The following AFF2 variants were observed in gnomAD, a reference collection of about 807,000 sequenced individuals.
The protein encoded by AFF2 is AF4/FMR2 family member 2.
A neutral mutation model predicts 76.9 loss-of-function variants in AFF2; 14 were observed. The ratio of observed to expected loss-of-function variants is 0.18; its 90% CI spans 0.12 to 0.28. The LOEUF (loss-of-function observed/expected upper bound fraction) is 0.28. AFF2 is among the 10% of genes least tolerant of loss of function. The probability of loss-of-function intolerance (pLI) is 1.00; values close to 1 mark genes in which losing one functional copy is unlikely to be tolerated. For synonymous variants in AFF2, 398 were observed against 366.7 expected, an observed-to-expected ratio of 1.09 and a Z score of -0.98; for missense variants, 868 against 1,001.1, an observed-to-expected ratio of 0.87 and a Z score of 1.79.
At chrX:148,514,980 A>G (rs1463410563) in intron 1 of AFF2, among the ~76,000 whole-genome samples, 1 of 111,911 alleles carries the variant, frequency 8.9e-6, no homozygotes, top group African/African-American at 3.3e-5. Flanking sequence ...TGCTTTCTGA[A>G]TTTTTTCTAA....
At chrX:148,627,308 T>A (rs1477836539) in intron 1 of AFF2, among the ~76,000 whole-genome samples, 2 of 112,062 alleles carry the variant, frequency 1.8e-5, no homozygotes, top group African/African-American at 6.5e-5. Context: ...CCTTTACATG[T>A]AGACATGTAG....
At chrX:148,897,761 A>G (rs1156302742) in intron 8 of AFF2, among the ~76,000 whole-genome samples, 1 of 110,517 alleles carries the variant, frequency 9.0e-6, no homozygotes, top group Non-Finnish European at 1.9e-5. Flanking sequence ...CCCCCTTAGC[A>G]TCAGGGGCAA....
chrX:148,597,771 C>T (rs954748688), intron 1 of AFF2, among the ~76,000 whole-genome samples: 10 of 112,096 alleles, frequency 8.9e-5, no homozygotes, highest in Non-Finnish European at 1.3e-4. Flanking sequence ...CAGTTGAGTA[C>T]CTCTGCTCCC....
chrX:148,870,816 A>G (rs1569556416), intron 7 of AFF2, among the ~76,000 whole-genome samples: 1 of 111,924 alleles, frequency 8.9e-6, no homozygotes, highest in South Asian at 3.8e-4. Flanking sequence ...TTTCAAAACT[A>G]AGGGGGCAAC....
At chrX:148,779,681 G>A (rs1056894564) in intron 3 of AFF2, among the ~76,000 whole-genome samples, 15 of 111,708 alleles carry the variant, frequency 1.3e-4, no homozygotes, top group African/African-American at 4.9e-4. Context: ...GCACACCAAT[G>A]CGTCTTGGCT....
intron 3 of AFF2, among the ~76,000 whole-genome samples, chrX:148,767,620 C>T (rs901022312): frequency 1.3e-4 from 15 of 111,659 alleles, no homozygotes; most frequent in Middle Eastern, 4.6e-3. Context: ...TCCTTGTAAC[C>T]ACATGCTGAA....
chrX:148,737,422 C>T (rs781957818), intron 3 of AFF2, among the ~76,000 whole-genome samples: 4 of 111,342 alleles, frequency 3.6e-5, no homozygotes, highest in African/African-American at 6.5e-5. Flanking sequence ...TTTGCTTGGT[C>T]GCTGTGGTGT....
intron 1 of AFF2, among the ~76,000 whole-genome samples, chrX:148,588,436 G>A (rs1603251631): frequency 8.9e-6 from 1 of 112,520 alleles, no homozygotes; most frequent in Non-Finnish European, 1.9e-5. Context: ...AACTGTTTAT[G>A]GAGGGCAGAG....
At chrX:148,941,855 A>G (rs868975095) in intron 9 of AFF2, among the ~76,000 whole-genome samples, 1 of 32,323 alleles carries the variant, frequency 3.1e-5, no homozygotes. Context: ...CTGTTGATAC[A>G]CATTTCACAG....
At chrX:148,767,979 C>G (rs782015783) in intron 3 of AFF2, among the ~76,000 whole-genome samples, 10 of 109,170 alleles carry the variant, frequency 9.2e-5, no homozygotes, top group Non-Finnish European at 1.9e-4. Flanking sequence ...AATCTGAACT[C>G]TTACATACTA....
At chrX:148,949,732 A>C (rs1465245171) in intron 9 of AFF2, among the ~76,000 whole-genome samples, 1 of 112,552 alleles carries the variant, frequency 8.9e-6, no homozygotes, top group African/African-American at 3.2e-5. Context: ...CAGACTATAG[A>C]GTGGATGGCT....
Position 148,968,788 on chromosome X carries a change from G to C in AFF2, c.3267+1096G>C, listed in dbSNP as rs184907210. On this transcript the variant is annotated intron_variant, in intron 15 of 20. Coordinates refer to ENST00000370460, the MANE Select transcript of AFF2 (RefSeq NM_002025.4). The stretch of plus-strand genomic sequence containing the variant: ...TTAGAAGCAATTTTCCCCTGCTCCT[G>C]CAGACAAAAATGACAAGGCAGGCTG... 7.1e-5 allele frequency among the ~76,000 whole-genome samples: 8 copies of C among 112,308 alleles called. No individual in the cohort carries two copies. In the East Asian group the frequency reaches 2.0e-3, roughly 28 times the overall value.
chrX:148,887,515 T>C (rs1464942141), intron 8 of AFF2, among the ~76,000 whole-genome samples: 1 of 112,575 alleles, frequency 8.9e-6, no homozygotes, highest in East Asian at 2.8e-4. Context: ...TATGTAATTA[T>C]ATGAATGTAA....
intron 9 of AFF2, among the ~76,000 whole-genome samples, chrX:148,935,793 T>A (rs564582202): frequency 9.0e-6 from 1 of 111,052 alleles, no homozygotes; most frequent in Non-Finnish European, 1.9e-5. Context: ...GACTTCTGGC[T>A]GACAAAAGCA....
At chrX:148,740,497 A>AT (rs1450125223) in intron 3 of AFF2, among the ~76,000 whole-genome samples, 1 of 111,621 alleles carries the variant, frequency 9.0e-6, no homozygotes, top group African/African-American at 3.3e-5. Flanking sequence ...AGTTTCCTGA[A>AT]TTTTTTATTG....
At chrX:148,595,576 T>C (rs2053564356) in intron 1 of AFF2, among the ~76,000 whole-genome samples, 1 of 112,501 alleles carries the variant, frequency 8.9e-6, no homozygotes, top group Non-Finnish European at 1.9e-5. Context: ...ATTAGTGATA[T>C]GTGCATAGAA....
chrX:148,625,130 C>A (rs964175760), intron 1 of AFF2, among the ~76,000 whole-genome samples: 1 of 110,674 alleles, frequency 9.0e-6, no homozygotes, highest in Non-Finnish European at 1.9e-5. Context: ...ATTTGCTTTC[C>A]CTGGGGGCCT....
chrX:148,725,369 T>C (rs1421018748), intron 3 of AFF2, among the ~76,000 whole-genome samples: 1 of 110,945 alleles, frequency 9.0e-6, no homozygotes, highest in Non-Finnish European at 1.9e-5. Context: ...CAGGATTTGG[T>C]CTGGAAGATC....
intron 1 of AFF2, among the ~76,000 whole-genome samples, chrX:148,588,421 A>C (rs1206706055): frequency 8.9e-6 from 1 of 112,383 alleles, no homozygotes; most frequent in Non-Finnish European, 1.9e-5. Flanking sequence ...AACAAACCAG[A>C]GGGAAACTGT....
Sources: gnomAD v4.1 joint callset for allele counts (sites outside exome capture counted in the v4.1 genomes callset) on GRCh38, gnomAD v4.1.1 for gene constraint, MANE v1.5 for transcripts, NCBI Gene and HGNC (gene_info 2026-07-23, HGNC 2026-07-21) for gene names.